The following CCL17 variants were observed in gnomAD, a reference collection of about 807,000 sequenced individuals.
The protein encoded by CCL17 is C-C motif chemokine 17.
In CCL17, 8 loss-of-function variants were observed where a neutral mutation model predicts 7.4. The observed-to-expected ratio is 1.09, with a 90% confidence interval of 0.64 to 1.96. The LOEUF is 1.96. CCL17 is among the 30% of genes most tolerant of loss of function. The pLI, the probability that CCL17 is intolerant of heterozygous loss-of-function variation, is 0.00. For missense variants in CCL17, 102 were observed against 113.0 expected, an observed-to-expected ratio of 0.90 and a Z score of 0.44; for synonymous variants, 40 against 46.1, an observed-to-expected ratio of 0.87 and a Z score of 0.54.
At chr16:57,396,586 C>G in the CCL17 span, among the ~76,000 whole-genome samples, 1 of 152,062 alleles carries the variant, frequency 6.6e-6, no homozygotes, top group Admixed American at 6.6e-5. Flanking sequence ...GGGGGCGCTG[C>G]TGCAGGGGGT....
At chr16:57,413,088 C>T (rs1475059030) in intron 1 of CCL17, among the ~76,000 whole-genome samples, 1 of 152,222 alleles carries the variant, frequency 6.6e-6, no homozygotes, top group East Asian at 1.9e-4. Flanking sequence ...GGACACAGCT[C>T]TGCTAGAAGT....
chr16:57,413,230 G>T (rs757207573), intron 1 of CCL17, among the ~76,000 whole-genome samples: 5 of 152,192 alleles, frequency 3.3e-5, no homozygotes, highest in Admixed American at 6.5e-5. Flanking sequence ...GCCTCCTGTG[G>T]TCAGGGCCTC....
Position 57,413,890 on chromosome 16 carries a change from G to C in CCL17, c.-43G>C, listed in dbSNP as rs1418833014. ...TCTCAGCAGGGTGTCTCCCTGAGCAGAGGGACCTGCACACAGAGACTCCCT... is the reference window on the plus strand; with the variant it reads ...TCTCAGCAGGGTGTCTCCCTGAGCACAGGGACCTGCACACAGAGACTCCCT... On this transcript the variant is annotated 5_prime_UTR_variant, in exon 2 of 4. Coordinates refer to ENST00000219244, the MANE Select transcript of CCL17 (RefSeq NM_002987.3). 1 of 1,559,418 alleles carries C rather than the reference G, an allele frequency of 6.4e-7. No homozygotes were observed. The highest frequency in any genetic ancestry group is 1.2e-5 in the South Asian group (1 of 85,500).
intron 1 of CCL17, among the ~76,000 whole-genome samples, chr16:57,411,131 T>C (rs1009488114): frequency 2.0e-5 from 3 of 152,212 alleles, no homozygotes; most frequent in Non-Finnish European, 4.4e-5. Context: ...AGCCACCTCT[T>C]TCAGGCAGCC....
chr16:57,402,430 C>T (rs375534249), upstream of CCL17, among the ~76,000 whole-genome samples: 12 of 152,262 alleles, frequency 7.9e-5, no homozygotes, highest in Non-Finnish European at 1.3e-4. Flanking sequence ...AGATCTTCCT[C>T]GGGTGCCCAG....
upstream of CCL17, among the ~76,000 whole-genome samples, chr16:57,404,416 C>T (rs571692533): frequency 8.6e-5 from 13 of 151,824 alleles, no homozygotes; most frequent in Non-Finnish European, 1.5e-4. Flanking sequence ...AAGTTGGGGG[C>T]GAGAGGAAGA....
At chr16:57,400,543 A>G (rs529183070), upstream of CCL17, among the ~76,000 whole-genome samples, 2 of 152,148 alleles carry the variant, frequency 1.3e-5, no homozygotes, top group South Asian at 2.1e-4. Flanking sequence ...TAAAGCAAAT[A>G]TAAGTTTCAA....
chr16:57,415,714 TG>T lies in CCL17; in HGVS notation c.189-46del. ...ACAGGGCGGGCCGTCCCAGGGACTC[TG>T]GGGGCCCTTCCCCCCCTGCCACTCC... is the stretch of plus-strand genomic sequence containing the variant. On this transcript the variant is annotated intron_variant, in intron 3 of 3. Transcript: ENST00000219244. This position sits in a 1 kb window ranked among gnomAD's most constrained non-coding sequence, Gnocchi z 4.5. 3 of 1,231,198 alleles carry T rather than the reference TG, an allele frequency of 2.4e-6. No individual in the cohort carries two copies. Among genetic ancestry groups the T allele is most frequent in the Non-Finnish European group, 3.6e-6 (3 of 831,480 alleles). 76.3% of individuals were successfully genotyped at this position (1,231,198 alleles called of 1,614,324 possible). A position where few individuals can be genotyped will look rare whatever the true frequency, so the allele number is the denominator to read the frequency against.
chr16:57,413,914 C>G lies in CCL17; in HGVS notation c.-19C>G, dbSNP rs574237727. ...AGAGGGACCTGCACACAGAGACTCCCTCCTGGGCTCCTGGCACCATGGCCC... is the reference window on the plus strand; with the variant it reads ...AGAGGGACCTGCACACAGAGACTCCGTCCTGGGCTCCTGGCACCATGGCCC... On this transcript the variant is annotated 5_prime_UTR_variant, in exon 2 of 4. Coordinates refer to ENST00000219244, the MANE Select transcript of CCL17 (RefSeq NM_002987.3). 1 of 1,597,386 alleles carries G rather than the reference C, an allele frequency of 6.3e-7. No individual in the cohort carries two copies. Among genetic ancestry groups the G allele is most frequent in the African/African-American group, 1.3e-5 (1 of 74,616 alleles).
At position 57,415,003 on chromosome 16, in the gene CCL17, C is replaced by T; in HGVS notation, c.71-78C>T. 1.1e-6 allele frequency: 1 copy of T among 904,112 alleles called. No homozygotes were observed. Among genetic ancestry groups the T allele is most frequent in the Non-Finnish European group, 1.9e-6 (1 of 537,552 alleles). 56.0% of individuals were successfully genotyped at this position (904,112 alleles called of 1,614,324 possible). ...CATGGACACGCACATGCAGATCTTC[C>T]ACGAACACCCCCCAGAGGTCCCCGC... On this transcript the variant is annotated intron_variant, in intron 2 of 3. Coordinates refer to ENST00000219244, the MANE Select transcript of CCL17 (RefSeq NM_002987.3). The surrounding 1 kb of genome is among the most constrained non-coding windows in gnomAD (Gnocchi z 4.5).
chr16:57,396,167 G>A, the CCL17 span, among the ~76,000 whole-genome samples: 11 of 152,208 alleles, frequency 7.2e-5, no homozygotes, highest in Admixed American at 7.2e-4. Context: ...GGTATTAGTT[G>A]TATTGCTCTG....
chr16:57,398,787 T>G, the CCL17 span, among the ~76,000 whole-genome samples: 2 of 152,204 alleles, frequency 1.3e-5, no homozygotes, highest in Non-Finnish European at 2.9e-5. Flanking sequence ...CCTGCTGGCA[T>G]GAGGCTTCCA....
chr16:57,403,554 T>TAATATAATATATATTTATA (rs1278888559), upstream of CCL17, among the ~76,000 whole-genome samples: 2 of 28,492 alleles, frequency 7.0e-5, no homozygotes, highest in Admixed American at 1.2e-3. Flanking sequence ...ATATATTTTA[T>TAATATAATATATATTTATA]ATATATATAA....
chr16:57,401,872 C>T (rs1416219125), upstream of CCL17, among the ~76,000 whole-genome samples: 1 of 152,098 alleles, frequency 6.6e-6, no homozygotes, highest in African/African-American at 2.4e-5. Context: ...GAGGTCACAC[C>T]CTTGCTGGGT....
intron 2 of CCL17, 84 bp from the exon 3 acceptor site, chr16:57,414,997 A>C: frequency 1.2e-6 from 1 of 834,830 alleles, no homozygotes; most frequent in Non-Finnish European, 2.1e-6. Context: ...GCACATGCAG[A>C]TCTTCCACGA....
In CCL17 at chr16:57,413,955, C is replaced by T. The variant is rs752864018; in HGVS notation, c.23C>T (p.Ala8Val). The T allele has an allele frequency of 7.5e-6, 12 of 1,609,976 alleles. No homozygotes were observed. Among genetic ancestry groups the T allele is most frequent in the Admixed American group, 1.7e-5 (1 of 59,522 alleles). MAPLKML[A>V]LVTLLLGASL... is the part of the protein sequence containing the mutation. ...ACCATGGCCCCACTGAAGATGCTGG[C>T]CCTGGTCACCCTCCTCCTGGGGGCT... Residue 8 changes from alanine to valine, a missense_variant, in exon 2 of 4, where the codon GCC becomes GTC. Coordinates refer to ENST00000219244, the MANE Select transcript of CCL17 (RefSeq NM_002987.3).
At chr16:57,408,664 G>A (rs865863109) in intron 1 of CCL17, among the ~76,000 whole-genome samples, 1 of 151,924 alleles carries the variant, frequency 6.6e-6, no homozygotes, top group South Asian at 2.1e-4. Context: ...CACCTCCCGG[G>A]TTCAAGCGAT....
chr16:57,413,722 C>T lies in CCL17; in HGVS notation c.-59-152C>T, dbSNP rs1598013897. 1.1e-5 allele frequency: 5 copies of T among 470,372 alleles called. No homozygotes were observed. The East Asian group carries it at 1.6e-4, about 15-fold the overall frequency. 29.1% of individuals were successfully genotyped at this position (470,372 alleles called of 1,614,324 possible). The stretch of plus-strand genomic sequence containing the variant: ...AGTTGAGTGCCCATTCTCTGGAAAT[C>T]CACAAACATTCCAAGAGCTAGACTT... On this transcript the variant is annotated intron_variant, in intron 1 of 3. Coordinates refer to ENST00000219244, the MANE Select transcript of CCL17 (RefSeq NM_002987.3).
chr16:57,402,081 G>C (rs562284875), upstream of CCL17, among the ~76,000 whole-genome samples: 1 of 152,362 alleles, frequency 6.6e-6, no homozygotes, highest in Admixed American at 6.5e-5. Flanking sequence ...ACAGTGCAGA[G>C]GGACAGCCAC....
Sources: allele counts gnomAD v4.1 joint callset (sites outside exome capture counted in the v4.1 genomes callset), GRCh38; gene constraint gnomAD v4.1.1; non-coding constraint Gnocchi (gnomAD v3.1); transcripts MANE v1.5; gene names NCBI Gene and HGNC (gene_info 2026-07-23, HGNC 2026-07-21).